SHANK2: variants seen among roughly 807,000 people sequenced by gnomAD.
The protein encoded by SHANK2 is SH3 and multiple ankyrin repeat domains 2.
SHANK2 carries 43 observed loss-of-function variants against 133.7 expected under a neutral mutation model. That is an observed-to-expected ratio of 0.32 (90% CI 0.25 to 0.41). The LOEUF (loss-of-function observed/expected upper bound fraction) is 0.41, where lower values mean the gene tolerates loss of function less well. Ranked by LOEUF, SHANK2 falls within the 10% of genes least tolerant of loss-of-function variation. The pLI is 1.00. For synonymous variants in SHANK2, 1,017 were observed against 952.8 expected, an observed-to-expected ratio of 1.07 and a Z score of -1.24; for missense variants, 1,994 against 2,235.8, an observed-to-expected ratio of 0.89 and a Z score of 2.18.
chr11:70,782,177 G>A (rs1384115236), intron 14 of SHANK2, among the ~76,000 whole-genome samples: 1 of 152,126 alleles, frequency 6.6e-6, no homozygotes, highest in Non-Finnish European at 1.5e-5. Flanking sequence ...TGATTCTCCT[G>A]CCTCAGCCTC....
chr11:70,900,258 G>T (rs1950004511), intron 10 of SHANK2, among the ~76,000 whole-genome samples: 1 of 152,088 alleles, frequency 6.6e-6, no homozygotes, highest in African/African-American at 2.4e-5. Flanking sequence ...GGAAGCTGAG[G>T]CAGGAGAATC....
chr11:70,802,002 C>T (rs1025982635), intron 13 of SHANK2, among the ~76,000 whole-genome samples: 16 of 152,144 alleles, frequency 1.1e-4, no homozygotes, highest in African/African-American at 3.9e-4. Flanking sequence ...TACGGAAGCA[C>T]AGAGGGGGTG....
chr11:70,857,193 C>G (rs922711225), intron 11 of SHANK2, among the ~76,000 whole-genome samples: 1 of 152,166 alleles, frequency 6.6e-6, no homozygotes, highest in South Asian at 2.1e-4. Flanking sequence ...AGAGCCCAAT[C>G]GGGCCACAGG....
In SHANK2 at chr11:70,486,935, T is replaced by G; in HGVS notation, c.3358A>C (p.Arg1120=). The part of the protein sequence containing the change: ...EDVGLGPPAP[R]TRPSMFPEEG... Reference sequence around the variant, plus strand: ...TCGGGGAACATGGAGGGCCGCGTCCTGGGGGCGGGTGGCCCCAGGCCCACA... The same window carrying G: ...TCGGGGAACATGGAGGGCCGCGTCCGGGGGGCGGGTGGCCCCAGGCCCACA... Residue 1120 remains arginine (R), a synonymous_variant, in exon 25 of 26, where the codon AGG becomes CGG. Coordinates refer to ENST00000601538, the MANE Select transcript of SHANK2 (RefSeq NM_012309.5). This position sits in a 1 kb window ranked among gnomAD's most constrained non-coding sequence, Gnocchi z 8.0. 1 of 1,612,334 alleles carries G rather than the reference T, an allele frequency of 6.2e-7. No individual in the cohort carries two copies. The highest frequency in any genetic ancestry group is 8.5e-7 in the Non-Finnish European group (1 of 1,179,684).
chr11:71,165,299 G>A (rs1565489428), intron 2 of SHANK2, among the ~76,000 whole-genome samples: 1 of 152,168 alleles, frequency 6.6e-6, no homozygotes, highest in Non-Finnish European at 1.5e-5. Flanking sequence ...CTCCCAAAGT[G>A]CTGAGATTAC....
intron 10 of SHANK2, among the ~76,000 whole-genome samples, chr11:70,920,347 C>T (rs943952319): frequency 6.6e-6 from 1 of 152,270 alleles, no homozygotes; most frequent in East Asian, 1.9e-4. Flanking sequence ...CCCGCCTTGG[C>T]CTCCCAAAGG....
chr11:70,894,279 C>T (rs531507233), intron 11 of SHANK2, among the ~76,000 whole-genome samples: 78 of 152,102 alleles, frequency 5.1e-4, no homozygotes, highest in Non-Finnish European at 1.1e-3. Context: ...CCTCTGCCTC[C>T]CGGGTTCAAG....
chr11:70,895,899 G>T (rs1555075607), intron 11 of SHANK2, among the ~76,000 whole-genome samples: 1 of 151,762 alleles, frequency 6.6e-6, no homozygotes, highest in African/African-American at 2.4e-5. Context: ...CAAGCAGAAG[G>T]AATAGAGCTT....
At chr11:70,893,784 C>T (rs949026492) in intron 11 of SHANK2, among the ~76,000 whole-genome samples, 3 of 152,190 alleles carry the variant, frequency 2.0e-5, no homozygotes, top group African/African-American at 4.8e-5. Context: ...TGACTCCCTG[C>T]GTAAGCTGAT....
At chr11:71,064,714 G>A (rs1951027411) in intron 9 of SHANK2, among the ~76,000 whole-genome samples, 1 of 152,094 alleles carries the variant, frequency 6.6e-6, no homozygotes. Flanking sequence ...CAGAGAGGGT[G>A]GAGAGGGAAT....
chr11:70,858,243 C>T (rs541731112), intron 11 of SHANK2, among the ~76,000 whole-genome samples: 8 of 152,358 alleles, frequency 5.3e-5, no homozygotes, highest in African/African-American at 1.7e-4. Context: ...AAATTCACTG[C>T]CATGTTCATA....
chr11:70,931,516 G>C (rs1347431547), intron 10 of SHANK2, among the ~76,000 whole-genome samples: 1 of 152,182 alleles, frequency 6.6e-6, no homozygotes, highest in African/African-American at 2.4e-5. Context: ...GCGTGGCCAC[G>C]GCAAGTCAGG....
chr11:70,775,257 A>G (rs1555043679), intron 14 of SHANK2, among the ~76,000 whole-genome samples: 1 of 152,180 alleles, frequency 6.6e-6, no homozygotes, highest in African/African-American at 2.4e-5. Context: ...GGAGTTCAAG[A>G]CCAGCCTTGG....
At chr11:70,894,752 C>T (rs922037729) in intron 11 of SHANK2, among the ~76,000 whole-genome samples, 1 of 152,178 alleles carries the variant, frequency 6.6e-6, no homozygotes, top group Non-Finnish European at 1.5e-5. Flanking sequence ...GGCGGGGGCT[C>T]TGCCTCCAGG....
intron 17 of SHANK2, among the ~76,000 whole-genome samples, chr11:70,586,414 G>A (rs1272763954): frequency 1.3e-5 from 2 of 152,156 alleles, no homozygotes; most frequent in African/African-American, 4.8e-5. Flanking sequence ...AGGTTCTGGG[G>A]CCGGGGTCAC....
intron 11 of SHANK2, among the ~76,000 whole-genome samples, chr11:70,833,507 A>ATC (rs1420936113): frequency 6.6e-6 from 1 of 152,222 alleles, no homozygotes; most frequent in Non-Finnish European, 1.5e-5. Flanking sequence ...CCCTGACAGC[A>ATC]TCTCTGCAAC....
chr11:71,222,435 C>T (rs574634765), intron 2 of SHANK2, among the ~76,000 whole-genome samples: 38 of 152,292 alleles, frequency 2.5e-4, no homozygotes, highest in African/African-American at 8.7e-4. Flanking sequence ...AAAGGCTCAA[C>T]CCAACAGCCT....
chr11:71,205,412 G>A (rs185611729), intron 2 of SHANK2, among the ~76,000 whole-genome samples: 3 of 152,302 alleles, frequency 2.0e-5, no homozygotes, highest in East Asian at 1.9e-4. Flanking sequence ...TGCCCCTGCT[G>A]GGCGCTCCTG....
intron 14 of SHANK2, among the ~76,000 whole-genome samples, chr11:70,701,640 G>A (rs550866608): frequency 7.9e-5 from 12 of 152,056 alleles, no homozygotes; most frequent in Admixed American, 2.0e-4. Context: ...TCCTGACCTC[G>A]TGATCCACCT....
Sources: allele counts gnomAD v4.1 joint callset (sites outside exome capture counted in the v4.1 genomes callset), GRCh38; gene constraint gnomAD v4.1.1; non-coding constraint Gnocchi (gnomAD v3.1); transcripts MANE v1.5; gene names NCBI Gene and HGNC (gene_info 2026-07-23, HGNC 2026-07-21).